The following HTRA3 variants were observed in gnomAD, a reference collection of about 807,000 sequenced individuals.
HTRA3 encodes the protein HtrA serine peptidase 3.
A neutral mutation model predicts 43.2 loss-of-function variants in HTRA3; 41 were observed. The ratio of observed to expected loss-of-function variants is 0.95; its 90% CI spans 0.74 to 1.23. HTRA3 has a LOEUF of 1.23. HTRA3 is among the 50% of genes most tolerant of loss of function. The pLI is 0.00. For missense variants in HTRA3, 628 were observed against 647.1 expected (o/e 0.97, Z 0.32); for synonymous variants, 295 against 287.9 (o/e 1.02, Z -0.25).
At chr4:8,299,383 T>C (rs1361945509) in intron 6 of HTRA3, among the ~76,000 whole-genome samples, 1 of 152,220 alleles carries the variant, frequency 6.6e-6, no homozygotes, top group African/African-American at 2.4e-5. Context: ...TAGAAACTTT[T>C]TTTGTAGATT....
Position 8,306,013 on chromosome 4 carries a change from G to T in HTRA3, c.1239G>T (p.Gly413=). 6.2e-7 allele frequency: 1 copy of T among 1,612,698 alleles called. No individual in the cohort carries two copies. The highest frequency in any genetic ancestry group is 8.5e-7 in the Non-Finnish European group (1 of 1,179,734). Residue 413 remains glycine (G), a synonymous_variant, in exon 9 of 9, where the codon GGG becomes GGT. Transcript: ENST00000307358. This position sits in a 1 kb window ranked among gnomAD's most constrained non-coding sequence, Gnocchi z 8.9. ...QDGDIIVKVN[G]RPLVDSSELQ... is the part of the protein sequence containing the mutation. ...GTGACATCATCGTCAAGGTCAACGG[G>T]CGTCCTCTAGTGGACTCGAGTGAGC...
intron 8 of HTRA3, among the ~76,000 whole-genome samples, chr4:8,305,376 T>G (rs957679389): frequency 6.6e-6 from 1 of 152,192 alleles, no homozygotes; most frequent in Non-Finnish European, 1.5e-5. Flanking sequence ...GCCAGGGAGG[T>G]GCAGGCTCCT....
rs1712790560 is a variant in HTRA3, at chr4:8,282,473, ACTT to A, written c.424_426del (p.Phe142del). 6.2e-7 allele frequency: 1 copy of A among 1,614,034 alleles called. No individual in the cohort carries two copies. The highest frequency in any genetic ancestry group is 1.3e-5 in the African/African-American group (1 of 75,030). On this transcript the variant is annotated inframe_deletion, in exon 2 of 9. Transcript: ENST00000307358. Reference sequence around the variant, plus strand: ...CTGAGCAGCCCGCGCTACAAGTTCAACTTCATTGCTGACGTGGTGGAGAAGATC... The same window carrying A: ...CTGAGCAGCCCGCGCTACAAGTTCAACATTGCTGACGTGGTGGAGAAGATC...
chr4:8,276,780 G>A (rs1475059219), intron 1 of HTRA3, among the ~76,000 whole-genome samples: 1 of 152,240 alleles, frequency 6.6e-6, no homozygotes, highest in African/African-American at 2.4e-5. Context: ...TTCTGGGGCT[G>A]GACAGGTTGT....
Position 8,295,847 on chromosome 4 carries a change from T to C in HTRA3, c.1051+1646T>C, listed in dbSNP as rs573786120. On this transcript the variant is annotated intron_variant, in intron 6 of 8. Coordinates refer to ENST00000307358, the MANE Select transcript of HTRA3 (RefSeq NM_053044.5). The surrounding 1 kb of genome is among the most constrained non-coding windows in gnomAD (Gnocchi z 6.9). ...AGAGCTGCTGTTGAGGATGCCGCCA[T>C]TGTTCTTCTGTGTCCATTATGGGAA... The C allele has an allele frequency of 8.1e-7, 1 of 1,238,072 alleles. No homozygotes were observed. Among genetic ancestry groups the C allele is most frequent in the East Asian group, 3.2e-5 (1 of 31,720 alleles). The allele number at this position is 1,238,072 out of a possible 1,614,324, so 76.7% of individuals were successfully genotyped here. A position where few individuals can be genotyped will look rare whatever the true frequency, so the allele number is the denominator to read the frequency against.
At position 8,294,292 on chromosome 4, in the gene HTRA3, C is replaced by G. The variant is rs2153006398; in HGVS notation, c.1051+91C>G. 3 of 915,678 alleles carry G rather than the reference C, an allele frequency of 3.3e-6. No homozygotes were observed. In the South Asian group the frequency reaches 4.7e-5, roughly 14 times the overall value. 56.7% of individuals were successfully genotyped at this position (915,678 alleles called of 1,614,324 possible). A position where few individuals can be genotyped will look rare whatever the true frequency, so the allele number is the denominator to read the frequency against. On this transcript the variant is annotated intron_variant, in intron 6 of 8. Coordinates refer to ENST00000307358, the MANE Select transcript of HTRA3 (RefSeq NM_053044.5). Reference sequence around the variant, plus strand: ...ACCCCAGCCCTGGGACCAAGGCCCACCGGAGGTGCTGGGTGAACTTTGCTC... The same window carrying G: ...ACCCCAGCCCTGGGACCAAGGCCCAGCGGAGGTGCTGGGTGAACTTTGCTC...
chr4:8,281,772 G>A (rs1433599110), intron 1 of HTRA3, among the ~76,000 whole-genome samples: 1 of 152,236 alleles, frequency 6.6e-6, no homozygotes, highest in Non-Finnish European at 1.5e-5. Flanking sequence ...GCAGGAATCT[G>A]AGCCCGGGAA....
chr4:8,291,439 G>A lies in HTRA3; in HGVS notation c.778G>A (p.Gly260Ser), dbSNP rs774347163. The change falls in exon 4 of 9, where the codon GGC (glycine) becomes AGC (serine). Residue 260 changes from glycine to serine, a missense_variant. Physicochemically the swap from Gly to Ser is moderately conservative, Grantham distance 56. Coordinates refer to ENST00000307358, the MANE Select transcript of HTRA3 (RefSeq NM_053044.5). Reference sequence around the variant, plus strand: ...GCCTGGGGAGTTTGTGGTGGCCATCGGCAGTCCCTTCGCCCTACAGAACAC... The same window carrying A: ...GCCTGGGGAGTTTGTGGTGGCCATCAGCAGTCCCTTCGCCCTACAGAACAC... ...LRPGEFVVAI[G>S]SPFALQNTVT... 6 of 1,613,134 alleles carry A rather than the reference G, an allele frequency of 3.7e-6. No homozygotes were observed. The highest frequency in any genetic ancestry group is 1.1e-5 in the South Asian group (1 of 91,088).
In HTRA3 at chr4:8,270,158, G is replaced by A; in HGVS notation, c.190G>A (p.Gly64Ser). 4 of 1,540,924 alleles carry A rather than the reference G, an allele frequency of 2.6e-6. No homozygotes were observed. In the South Asian group the frequency reaches 3.5e-5, roughly 14 times the overall value. ...CAASEGEPCG[G>S]PLDSPCGESL... ...CGCCAGCGAGGGCGAGCCCTGTGGC[G>A]GCCCTCTGGACTCGCCTTGCGGCGA... The change falls in exon 1 of 9, where the codon GGC (glycine) becomes AGC (serine). Residue 64 changes from glycine to serine, a missense_variant. Coordinates refer to ENST00000307358, the MANE Select transcript of HTRA3 (RefSeq NM_053044.5).
intron 6 of HTRA3, among the ~76,000 whole-genome samples, chr4:8,298,427 G>A (rs1374882502): frequency 6.6e-6 from 1 of 152,190 alleles, no homozygotes; most frequent in Non-Finnish European, 1.5e-5. Flanking sequence ...TAAGCAAATT[G>A]CAAATATTTT....
At position 8,301,479 on chromosome 4, in the gene HTRA3, ACT is replaced by A. The variant is rs530733052; in HGVS notation, c.1052-980_1052-979del. 2.0e-3 allele frequency among the ~76,000 whole-genome samples: 307 copies of A among 151,502 alleles called. 1 individual carries two copies. Among genetic ancestry groups the A allele is most frequent in the African/African-American group, 6.5e-3 (269 of 41,106 alleles). ...ACTCTCAGCTTTATTATTGAGTCAC[ACT>A]CTCAGCTTTATTGATTCACACTCTC... is the stretch of plus-strand genomic sequence containing the variant. On this transcript the variant is annotated intron_variant, in intron 6 of 8. Coordinates refer to ENST00000307358, the MANE Select transcript of HTRA3 (RefSeq NM_053044.5).
intron 2 of HTRA3, among the ~76,000 whole-genome samples, chr4:8,283,064 G>C (rs745580225): frequency 6.6e-6 from 1 of 152,238 alleles, no homozygotes; most frequent in Non-Finnish European, 1.5e-5. Flanking sequence ...ACCGAGGCCC[G>C]TGTGGCCGGA....
Position 8,304,339 on chromosome 4 carries a change from G to C in HTRA3, c.1196+60G>C, listed in dbSNP as rs374382398. The C allele has an allele frequency of 1.0e-5, 14 of 1,374,040 alleles. No homozygotes were observed. In the African/African-American group the frequency reaches 1.6e-4, roughly 15 times the overall value. 85.1% of individuals were successfully genotyped at this position (1,374,040 alleles called of 1,614,324 possible). A position where few individuals can be genotyped will look rare whatever the true frequency, so the allele number is the denominator to read the frequency against. ...GGGCAGGCGTGAGGTCTGGGCTGGG[G>C]CTGCCCCACTGACCTCATGTGACCT... On this transcript the variant is annotated intron_variant, in intron 8 of 8. Coordinates refer to ENST00000307358, the MANE Select transcript of HTRA3 (RefSeq NM_053044.5).
Position 8,295,815 on chromosome 4 carries a change from C to A in HTRA3, c.1051+1614C>A. 1 of 1,248,244 alleles carries A rather than the reference C, an allele frequency of 8.0e-7. No homozygotes were observed. The highest frequency in any genetic ancestry group is 3.4e-5 in the South Asian group (1 of 29,364). 77.3% of individuals were successfully genotyped at this position (1,248,244 alleles called of 1,614,324 possible). ...CAAGGCTGGTGCCATGAGGGCTGGT[C>A]ACATGAAGAGCTGCTGTTGAGGATG... On this transcript the variant is annotated intron_variant, in intron 6 of 8. Coordinates refer to ENST00000307358, the MANE Select transcript of HTRA3 (RefSeq NM_053044.5). This position sits in a 1 kb window ranked among gnomAD's most constrained non-coding sequence, Gnocchi z 6.9.
At chr4:8,272,742 G>T (rs1303356263) in intron 1 of HTRA3, among the ~76,000 whole-genome samples, 11 of 152,242 alleles carry the variant, frequency 7.2e-5, no homozygotes, top group Admixed American at 7.2e-4. Flanking sequence ...GACAGAGAGG[G>T]CATGGGCAAG....
Position 8,307,028 on chromosome 4 carries a change from G to A in HTRA3, c.*892G>A, listed in dbSNP as rs1560145603. 2 of 152,828 alleles carry A rather than the reference G, an allele frequency of 1.3e-5. No homozygotes were observed. Among genetic ancestry groups the A allele is most frequent in the East Asian group, 3.9e-4 (2 of 5,190 alleles). The allele number at this position is 152,828 out of a possible 1,614,324, so 9.5% of individuals were successfully genotyped here. On this transcript the variant is annotated 3_prime_UTR_variant, in exon 9 of 9. Transcript: ENST00000307358. This position sits in a 1 kb window ranked among gnomAD's most constrained non-coding sequence, Gnocchi z 6.1. Reference sequence around the variant, plus strand: ...TCAAGGGGCATTTGTGAGCTTTGCTGTAAATGGATTCCCAGTGTTGCTTGT... The same window carrying A: ...TCAAGGGGCATTTGTGAGCTTTGCTATAAATGGATTCCCAGTGTTGCTTGT...
At chr4:8,278,783 T>C (rs2153004240) in intron 1 of HTRA3, among the ~76,000 whole-genome samples, 1 of 152,324 alleles carries the variant, frequency 6.6e-6, no homozygotes, top group South Asian at 2.1e-4. Context: ...CCCTCAGTGA[T>C]TGATCTTTGC....
At chr4:8,299,895 G>A (rs998315770) in intron 6 of HTRA3, among the ~76,000 whole-genome samples, 3 of 148,234 alleles carry the variant, frequency 2.0e-5, no homozygotes, top group African/African-American at 2.5e-5. Context: ...GCTGGAGTAC[G>A]GTGGTGTGAT....
Position 8,301,201 on chromosome 4 carries a change from T to G in HTRA3, c.1052-1262T>G, listed in dbSNP as rs550467894. 4.0e-4 allele frequency among the ~76,000 whole-genome samples: 60 copies of G among 151,446 alleles called. No homozygotes were observed. The South Asian group carries it at 6.7e-3, about 17-fold the overall frequency. ...CACACTCATCTTTATTGATTCACAC[T>G]CTCAGCTTTATTATTGATTCACAGA... On this transcript the variant is annotated intron_variant, in intron 6 of 8. Coordinates refer to ENST00000307358, the MANE Select transcript of HTRA3 (RefSeq NM_053044.5).
Sources: gnomAD v4.1 joint callset for allele counts (sites outside exome capture counted in the v4.1 genomes callset) on GRCh38, gnomAD v4.1.1 for gene constraint, Gnocchi (gnomAD v3.1) non-coding constraint, MANE v1.5 for transcripts, NCBI Gene and HGNC (gene_info 2026-07-23, HGNC 2026-07-21) for gene names.